ADAM17: variants seen among roughly 807,000 people sequenced by gnomAD.
The protein encoded by ADAM17 is ADAM metallopeptidase domain 17.
ADAM17 carries 39 observed loss-of-function variants against 96.7 expected under a neutral mutation model. The ratio of observed to expected loss-of-function variants is 0.40; its 90% CI spans 0.31 to 0.53. The LOEUF (loss-of-function observed/expected upper bound fraction) is 0.53. Ranked by LOEUF, ADAM17 falls within the 20% of genes least tolerant of loss-of-function variation. The probability of loss-of-function intolerance (pLI) is 0.44; values close to 1 mark genes in which losing one functional copy is unlikely to be tolerated. For missense variants in ADAM17, 777 were observed against 1,013.2 expected, an observed-to-expected ratio of 0.77 and a Z score of 3.17; for synonymous variants, 344 against 359.2, an observed-to-expected ratio of 0.96 and a Z score of 0.48.
chr2:9,498,944 GA>G (rs1269414428), intron 13 of ADAM17, among the ~76,000 whole-genome samples: 1 of 152,096 alleles, frequency 6.6e-6, no homozygotes, highest in Non-Finnish European at 1.5e-5. Flanking sequence ...AGCATGCATG[GA>G]AATCACCTGA....
chr2:9,521,999 T>C (rs1349863701), intron 7 of ADAM17: 2 of 154,156 alleles, frequency 1.3e-5, no homozygotes, highest in African/African-American at 4.8e-5. Flanking sequence ...ATGATACACA[T>C]CTAAACCACA....
chr2:9,501,681 T>C (rs1663015645), intron 13 of ADAM17, among the ~76,000 whole-genome samples: 4 of 152,226 alleles, frequency 2.6e-5, no homozygotes. Context: ...AGTGCATAGA[T>C]TCATGATAAC....
chr2:9,544,388 C>T (rs1467956533), intron 1 of ADAM17, among the ~76,000 whole-genome samples: 9 of 151,778 alleles, frequency 5.9e-5, no homozygotes, highest in African/African-American at 1.9e-4. Context: ...CAAAATTAGC[C>T]GGGCATGGTG....
chr2:9,507,942 G>C (rs1663512053), intron 11 of ADAM17, among the ~76,000 whole-genome samples: 1 of 152,060 alleles, frequency 6.6e-6, no homozygotes, highest in Non-Finnish European at 1.5e-5. Context: ...GAACTCCTAG[G>C]CTCAAGTGAT....
At chr2:9,544,066 T>C (rs959460002) in intron 1 of ADAM17, among the ~76,000 whole-genome samples, 3 of 152,034 alleles carry the variant, frequency 2.0e-5, no homozygotes, top group African/African-American at 4.8e-5. Flanking sequence ...ACCATACAAC[T>C]GCCAAGAGAC....
At chr2:9,519,140 G>GC (rs1471273259) in intron 8 of ADAM17, among the ~76,000 whole-genome samples, 1 of 151,992 alleles carries the variant, frequency 6.6e-6, no homozygotes, top group Non-Finnish European at 1.5e-5. Flanking sequence ...ACAATCCACT[G>GC]CCTCATCCTC....
At chr2:9,491,665 A>G (rs1558491254) in intron 17 of ADAM17, among the ~76,000 whole-genome samples, 1 of 152,078 alleles carries the variant, frequency 6.6e-6, no homozygotes, top group Non-Finnish European at 1.5e-5. Flanking sequence ...CCTACATCCT[A>G]CTTCTGCAGA....
chr2:9,495,617 G>C (rs918018073), intron 14 of ADAM17, among the ~76,000 whole-genome samples: 1 of 151,804 alleles, frequency 6.6e-6, no homozygotes. Flanking sequence ...AGGAGGCTGA[G>C]GCACGAGAAT....
Position 9,543,292 on chromosome 2 carries a change from TAAAGGTAAA to T in ADAM17, c.98-16_98-8del. On this transcript the variant is annotated splice_polypyrimidine_tract_variant and splice_region_variant and intron_variant, in intron 1 of 18. Transcript: ENST00000310823. ...AGCAAAGAATCAAGCTTCTCTGAAA[TAAAGGTAAA>T]AAAGGTATTAGCATCTAAACCTAAT... The T allele has an allele frequency of 1.3e-6, 2 of 1,579,728 alleles. No individual in the cohort carries two copies. Among genetic ancestry groups the T allele is most frequent in the Non-Finnish European group, 1.7e-6 (2 of 1,167,918 alleles).
chr2:9,520,511 G>T (rs191838273), intron 8 of ADAM17, among the ~76,000 whole-genome samples: 2 of 152,100 alleles, frequency 1.3e-5, no homozygotes, highest in African/African-American at 2.4e-5. Context: ...GATAATTACT[G>T]CCCTAAAAGA....
At chr2:9,519,054 C>T (rs1209378819) in intron 8 of ADAM17, among the ~76,000 whole-genome samples, 1 of 151,998 alleles carries the variant, frequency 6.6e-6, no homozygotes, top group African/African-American at 2.4e-5. Flanking sequence ...CAAAGGCGTG[C>T]CTCACCATGC....
chr2:9,504,482 T>A (rs1663247083), intron 12 of ADAM17, among the ~76,000 whole-genome samples: 1 of 133,532 alleles, frequency 7.5e-6, no homozygotes, highest in Non-Finnish European at 1.6e-5. Context: ...AAAAAGATTA[T>A]TTTGCCAGGC....
intron 15 of ADAM17, 99 bp downstream of exon 15, chr2:9,494,538 A>G: frequency 7.2e-7 from 1 of 1,392,744 alleles, no homozygotes; most frequent in African/African-American, 1.4e-5. Flanking sequence ...ATGTAGCCCC[A>G]CTTGTGTTTT....
At chr2:9,491,508 G>A (rs146683716) in intron 17 of ADAM17, among the ~76,000 whole-genome samples, 169 of 152,316 alleles carry the variant, frequency 1.1e-3, no homozygotes, top group African/African-American at 3.5e-3. Context: ...CACCAGGACC[G>A]CACTGACTGG....
intron 4 of ADAM17, among the ~76,000 whole-genome samples, chr2:9,529,356 C>G (rs1374085735): frequency 6.6e-6 from 1 of 152,078 alleles, no homozygotes; most frequent in African/African-American, 2.4e-5. Context: ...GAGGCTGAGG[C>G]AAGAGAATCA....
chr2:9,543,380 T>G, intron 1 of ADAM17, 95 bp from the exon 2 acceptor site: 1 of 1,158,288 alleles, frequency 8.6e-7, no homozygotes, highest in South Asian at 2.2e-5. Flanking sequence ...TCTTTCCTGA[T>G]GTAATCCATT....
At chr2:9,508,052 G>A (rs1241702293) in intron 11 of ADAM17, among the ~76,000 whole-genome samples, 2 of 152,176 alleles carry the variant, frequency 1.3e-5, no homozygotes, top group East Asian at 1.9e-4. Flanking sequence ...CCCCAGAACT[G>A]GCAGCAGGAA....
intron 13 of ADAM17, among the ~76,000 whole-genome samples, chr2:9,499,279 G>T (rs534430380): frequency 1.3e-5 from 2 of 152,086 alleles, no homozygotes; most frequent in Non-Finnish European, 2.9e-5. Flanking sequence ...TTTTACTTAC[G>T]TTTATTTAAA....
chr2:9,517,707 T>TGA (rs2125017456), intron 10 of ADAM17, among the ~76,000 whole-genome samples, 194 bp downstream of exon 10: 1 of 152,316 alleles, frequency 6.6e-6, no homozygotes, highest in East Asian at 1.9e-4. Context: ...AAAAGAAGGC[T>TGA]GACAGGCCAT....
Sources: gnomAD v4.1 joint callset for allele counts (sites outside exome capture counted in the v4.1 genomes callset) on GRCh38, gnomAD v4.1.1 for gene constraint, MANE v1.5 for transcripts, NCBI Gene and HGNC (gene_info 2026-07-23, HGNC 2026-07-21) for gene names.